The following SHISA6 variants were observed in gnomAD, a reference collection of about 807,000 sequenced individuals.
SHISA6 encodes the protein shisa family member 6.
In SHISA6, 22 loss-of-function variants were observed where a neutral mutation model predicts 47.9. The ratio of observed to expected loss-of-function variants is 0.46; its 90% CI spans 0.33 to 0.66. The LOEUF is 0.66. Ranked by LOEUF, SHISA6 falls within the 30% of genes least tolerant of loss-of-function variation. SHISA6 has a pLI of 0.02. For synonymous variants in SHISA6, 388 were observed against 337.8 expected (o/e 1.15, Z -1.63); for missense variants, 680 against 764.6 (o/e 0.89, Z 1.30).
rs947507649 is a variant in SHISA6, at chr17:11,563,957, A to G, written c.*5653A>G. The G allele has an allele frequency of 7.9e-5, 12 of 152,194 alleles. No individual in the cohort carries two copies. Among genetic ancestry groups the G allele is most frequent in the African/African-American group, 2.9e-4 (12 of 41,456 alleles). The allele number at this position is 152,194 out of a possible 1,614,324, so 9.4% of individuals were successfully genotyped here. Reference sequence around the variant, plus strand: ...ACTTACCTGTCAAAGCACATTCTACATGTACTGTAAACAGATACACTTTAG... The same window carrying G: ...ACTTACCTGTCAAAGCACATTCTACGTGTACTGTAAACAGATACACTTTAG... On this transcript the variant is annotated 3_prime_UTR_variant, in exon 6 of 6. Coordinates refer to ENST00000441885, the MANE Select transcript of SHISA6 (RefSeq NM_207386.4).
At chr17:11,371,362 G>A (rs1045934273) in intron 2 of SHISA6, among the ~76,000 whole-genome samples, 2 of 152,094 alleles carry the variant, frequency 1.3e-5, no homozygotes, top group African/African-American at 4.8e-5. Flanking sequence ...AGCAAACCCC[G>A]GGCTCTCTCC....
chr17:11,303,433 T>G (rs1909996607), intron 2 of SHISA6, among the ~76,000 whole-genome samples: 1 of 151,932 alleles, frequency 6.6e-6, no homozygotes, highest in South Asian at 2.1e-4. Flanking sequence ...GTGTGTGTGG[T>G]TTTGTGTGCA....
At chr17:11,274,032 G>T (rs1376554227) in intron 2 of SHISA6, among the ~76,000 whole-genome samples, 3 of 152,234 alleles carry the variant, frequency 2.0e-5, no homozygotes, top group Non-Finnish European at 4.4e-5. Flanking sequence ...CAGAAGCAAA[G>T]CTTTCCAGAA....
At position 11,317,615 on chromosome 17, in the gene SHISA6, T is replaced by C. The variant is rs117254186; in HGVS notation, c.799+54089T>C. On this transcript the variant is annotated intron_variant, in intron 2 of 5. Transcript: ENST00000441885. Reference sequence around the variant, plus strand: ...GTTTAAATAATTATTTCGATTTTGTTTTTTTTAAACTTTGTTTTTGTTTTG... The same window carrying C: ...GTTTAAATAATTATTTCGATTTTGTCTTTTTTAAACTTTGTTTTTGTTTTG... Among the ~76,000 whole-genome samples the C allele has an allele frequency of 8.6e-4, 131 of 152,076 alleles. 3 individuals are homozygous for C. The East Asian group carries it at 0.023, about 26-fold the overall frequency.
At chr17:11,309,565 C>G (rs181437739) in intron 2 of SHISA6, among the ~76,000 whole-genome samples, 6 of 152,268 alleles carry the variant, frequency 3.9e-5, no homozygotes, top group Admixed American at 2.0e-4. Context: ...GTTTTAACTT[C>G]TGATGTTAGA....
intron 1 of SHISA6, among the ~76,000 whole-genome samples, chr17:11,257,431 G>A (rs1360590008): frequency 6.6e-6 from 1 of 151,984 alleles, no homozygotes; most frequent in Non-Finnish European, 1.5e-5. Context: ...GAGGCTGAGG[G>A]AGGCAGATTG....
In SHISA6 at chr17:11,558,301, G is replaced by T. The variant is rs1240845540; in HGVS notation, c.1653G>T (p.Val551=). The change falls in exon 6 of 6, where the codon GTG becomes GTT. Residue 551 remains valine (V), a synonymous_variant. Coordinates refer to ENST00000441885, the MANE Select transcript of SHISA6 (RefSeq NM_207386.4). Reference sequence around the variant, plus strand: ...CAGCCAGCAAGACCGAAGTGACCGTGTGACCGGCGGGGCAGGGCCGGGGCT... The same window carrying T: ...CAGCCAGCAAGACCGAAGTGACCGTTTGACCGGCGGGGCAGGGCCGGGGCT... ...CYTASKTEVT[V] is the part of the protein sequence containing the mutation. 2.6e-6 allele frequency: 4 copies of T among 1,537,540 alleles called. No individual in the cohort carries two copies. In the Admixed American group the frequency reaches 7.8e-5, roughly 30 times the overall value.
chr17:11,289,308 A>G (rs911243497), intron 2 of SHISA6: 2 of 152,010 alleles, frequency 1.3e-5, no homozygotes, highest in African/African-American at 4.8e-5. Flanking sequence ...AAATAATGCT[A>G]GGTTTTATTT....
intron 3 of SHISA6, among the ~76,000 whole-genome samples, chr17:11,403,837 G>A (rs1913857813): frequency 6.6e-6 from 1 of 152,176 alleles, no homozygotes; most frequent in African/African-American, 2.4e-5. Context: ...GAGGCAGAGG[G>A]AAAAGAGGGC....
chr17:11,305,783 G>A (rs1229388558), intron 2 of SHISA6, among the ~76,000 whole-genome samples: 2 of 152,164 alleles, frequency 1.3e-5, no homozygotes, highest in African/African-American at 4.8e-5. Context: ...GCCTCCACCT[G>A]CGTGTAGCAC....
At chr17:11,418,576 A>G (rs188655499) in intron 3 of SHISA6, among the ~76,000 whole-genome samples, 6 of 152,322 alleles carry the variant, frequency 3.9e-5, no homozygotes, top group African/African-American at 1.2e-4. Flanking sequence ...AAAGGGAAAC[A>G]GTAACTCTAT....
chr17:11,453,849 G>A (rs1029112220), intron 3 of SHISA6, among the ~76,000 whole-genome samples: 1 of 152,152 alleles, frequency 6.6e-6, no homozygotes, highest in Non-Finnish European at 1.5e-5. Context: ...TCTGGAAAAG[G>A]TCAGACTATA....
chr17:11,242,185 C>T (rs1284028131), intron 1 of SHISA6, 125 bp downstream of exon 1: 14 of 1,306,502 alleles, frequency 1.1e-5, no homozygotes, highest in South Asian at 1.3e-5. Context: ...TTTCCACCAT[C>T]GCTCCTTTTG....
chr17:11,405,867 G>C (rs1913938649), intron 3 of SHISA6, among the ~76,000 whole-genome samples: 1 of 152,066 alleles, frequency 6.6e-6, no homozygotes, highest in Admixed American at 6.6e-5. Flanking sequence ...TTTTACACCA[G>C]AGTCGGTCTG....
chr17:11,461,290 A>G (rs1293580076), intron 3 of SHISA6, among the ~76,000 whole-genome samples: 1 of 150,880 alleles, frequency 6.6e-6, no homozygotes. Flanking sequence ...CCAGCTACTC[A>G]GGAGGCTGAG....
chr17:11,270,278 G>C (rs2142151992), intron 2 of SHISA6, among the ~76,000 whole-genome samples: 1 of 152,322 alleles, frequency 6.6e-6, no homozygotes, highest in East Asian at 1.9e-4. Flanking sequence ...TCGGTGAGGA[G>C]TGTATTTAAG....
Position 11,241,590 on chromosome 17 carries a change from C to G in SHISA6, c.168C>G (p.Arg56=), listed in dbSNP as rs928443530. The change falls in exon 1 of 6, where the codon CGC becomes CGG. Residue 56 remains arginine (R), a synonymous_variant. Coordinates refer to ENST00000441885, the MANE Select transcript of SHISA6 (RefSeq NM_207386.4). The surrounding 1 kb of genome is among the most constrained non-coding windows in gnomAD (Gnocchi z 5.5). ...GGGGCGCCCTGGCACGGGGCGGCCG[C>G]GAGCTGAACGGCACCGCCCGGGCGC... ...RAGGALARGG[R]ELNGTARAPG... The G allele has an allele frequency of 6.0e-6, 7 of 1,176,252 alleles. No homozygotes were observed. In the African/African-American group the frequency reaches 6.5e-5, roughly 11 times the overall value. 72.9% of individuals were successfully genotyped at this position (1,176,252 alleles called of 1,614,324 possible).
Position 11,326,482 on chromosome 17 carries a change from T to C in SHISA6, c.800-52932T>C, listed in dbSNP as rs142917194. ...GATGTAAATGAGAAGAGGGAACCAATAGGCAGTGAATTCTATGGTCTATCA... is the reference window on the plus strand; with the variant it reads ...GATGTAAATGAGAAGAGGGAACCAACAGGCAGTGAATTCTATGGTCTATCA... On this transcript the variant is annotated intron_variant, in intron 2 of 5. Transcript: ENST00000441885. Among the ~76,000 whole-genome samples the C allele has an allele frequency of 5.3e-4, 80 of 152,268 alleles. 1 individual carries two copies. In the East Asian group the frequency reaches 0.013, roughly 24 times the overall value.
intron 3 of SHISA6, among the ~76,000 whole-genome samples, chr17:11,530,942 C>T (rs1278475799): frequency 6.6e-6 from 1 of 152,122 alleles, no homozygotes; most frequent in Non-Finnish European, 1.5e-5. Flanking sequence ...TCTTTCTTCC[C>T]CATAGGCAGT....
Sources: gnomAD v4.1 joint callset for allele counts (sites outside exome capture counted in the v4.1 genomes callset) on GRCh38, gnomAD v4.1.1 for gene constraint, Gnocchi (gnomAD v3.1) non-coding constraint, MANE v1.5 for transcripts, NCBI Gene and HGNC (gene_info 2026-07-23, HGNC 2026-07-21) for gene names.